The following CWH43 variants were observed in gnomAD, a reference collection of about 807,000 sequenced individuals.
The protein encoded by CWH43 is cell wall biogenesis 43 C-terminal homolog.
Under a neutral mutation model 85.7 loss-of-function variants are expected in CWH43, and 91 were observed. That is an observed-to-expected ratio of 1.06 (90% CI 0.90 to 1.26). The LOEUF (loss-of-function observed/expected upper bound fraction) is 1.26. Ranked by LOEUF, CWH43 falls within the 50% of genes most tolerant of loss-of-function variation. The probability of loss-of-function intolerance (pLI) is 0.00; values close to 1 mark genes in which losing one functional copy is unlikely to be tolerated. For missense variants in CWH43, 869 were observed against 839.2 expected, an observed-to-expected ratio of 1.04 and a Z score of -0.44; for synonymous variants, 323 against 293.6, an observed-to-expected ratio of 1.10 and a Z score of -1.02.
At chr4:49,061,119 ATTC>A (rs1785144815) in intron 15 of CWH43, among the ~76,000 whole-genome samples, 1 of 152,162 alleles carries the variant, frequency 6.6e-6, no homozygotes, top group African/African-American at 2.4e-5. Flanking sequence ...CTTCTAAGGA[ATTC>A]TTATCTGTTT....
At chr4:49,009,961 G>C (rs1285515851) in intron 8 of CWH43, among the ~76,000 whole-genome samples, 1 of 152,130 alleles carries the variant, frequency 6.6e-6, no homozygotes, top group Non-Finnish European at 1.5e-5. Context: ...TCTCTGCCAA[G>C]CTTTGGTATC....
At chr4:49,001,229 C>T (rs1012014444) in intron 6 of CWH43, among the ~76,000 whole-genome samples, 7 of 152,112 alleles carry the variant, frequency 4.6e-5, no homozygotes, top group African/African-American at 1.7e-4. Context: ...ATATAGTAAA[C>T]ATATTGATAG....
chr4:49,028,858 A>G, intron 10 of CWH43, 124 bp downstream of exon 10: 1 of 633,564 alleles, frequency 1.6e-6, no homozygotes, highest in South Asian at 2.2e-5. Context: ...GCAGATGATC[A>G]TAAACTCACC....
chr4:49,010,895 T>C (rs561958329), intron 8 of CWH43, among the ~76,000 whole-genome samples: 1 of 152,074 alleles, frequency 6.6e-6, no homozygotes, highest in East Asian at 1.9e-4. Flanking sequence ...TTTACTTCCA[T>C]TTATGTGGTC....
At chr4:49,047,035 C>T (rs1784646740) in intron 14 of CWH43, among the ~76,000 whole-genome samples, 1 of 152,194 alleles carries the variant, frequency 6.6e-6, no homozygotes, top group South Asian at 2.1e-4. Context: ...TAGAGCAGTT[C>T]ATCACCAAAA....
intron 8 of CWH43, among the ~76,000 whole-genome samples, chr4:49,010,823 G>A (rs539893717): frequency 5.9e-5 from 9 of 152,228 alleles, no homozygotes; most frequent in East Asian, 1.9e-4. Context: ...TAATTTCATT[G>A]CACTGTGATC....
intron 5 of CWH43, among the ~76,000 whole-genome samples, chr4:48,997,060 G>A (rs2109750824): frequency 6.6e-6 from 1 of 152,218 alleles, no homozygotes; most frequent in African/African-American, 2.4e-5. Flanking sequence ...GACTTTTGCA[G>A]GTTTCCTAAA....
At chr4:49,038,246 A>G (rs1230447583) in intron 13 of CWH43, 66 bp downstream of exon 13, 3 of 1,388,328 alleles carry the variant, frequency 2.2e-6, no homozygotes, top group Admixed American at 2.4e-5. Flanking sequence ...TCATGTTTTT[A>G]AAAAAACCAA....
At chr4:48,989,758 A>G (rs1234363641) in intron 2 of CWH43, among the ~76,000 whole-genome samples, 2 of 152,222 alleles carry the variant, frequency 1.3e-5, no homozygotes, top group African/African-American at 4.8e-5. Context: ...TCAGGCTCAG[A>G]AGGATAGTGG....
chr4:49,024,815 G>GATGACT (rs1197589102), intron 9 of CWH43, among the ~76,000 whole-genome samples: 4 of 151,916 alleles, frequency 2.6e-5, no homozygotes, highest in African/African-American at 9.7e-5. Flanking sequence ...TAGATAACCT[G>GATGACT]ATGACTATGT....
intron 8 of CWH43, among the ~76,000 whole-genome samples, chr4:49,010,051 T>G (rs1377150035): frequency 6.6e-6 from 1 of 152,158 alleles, no homozygotes; most frequent in Non-Finnish European, 1.5e-5. Flanking sequence ...AGAAGGTATG[T>G]TACCAGCTCT....
intron 15 of CWH43, among the ~76,000 whole-genome samples, chr4:49,055,913 CTT>C (rs71191286): frequency 0.017 from 2,464 of 141,864 alleles, 45 homozygotes; most frequent in Admixed American, 0.059. Context: ...TTCTTTTTTT[CTT>C]TTTTTTTTTT....
At chr4:49,045,384 T>C (rs1336444681) in intron 14 of CWH43, among the ~76,000 whole-genome samples, 1 of 152,240 alleles carries the variant, frequency 6.6e-6, no homozygotes, top group South Asian at 2.1e-4. Context: ...TATGATATAC[T>C]TGGATAATAC....
chr4:49,004,563 A>T (rs530639845), intron 7 of CWH43, among the ~76,000 whole-genome samples: 6 of 152,174 alleles, frequency 3.9e-5, no homozygotes, highest in South Asian at 2.1e-4. Context: ...AATTTAAAAA[A>T]TTTTTTGTAG....
rs1782680960 is a variant in CWH43 at position 48,992,199 on chromosome 4, T to C, written c.511+109T>C. ...AAAAGTAGTCTTTCTGCATTATATCTATATTTCAGCTTTTTCTTCCTCTGA... is the reference window on the plus strand; with the variant it reads ...AAAAGTAGTCTTTCTGCATTATATCCATATTTCAGCTTTTTCTTCCTCTGA... On this transcript the variant is annotated intron_variant, in intron 4 of 15. Coordinates refer to ENST00000226432, the MANE Select transcript of CWH43 (RefSeq NM_025087.3). The surrounding 1 kb of genome is among the most constrained non-coding windows in gnomAD (Gnocchi z 4.3). 1.0e-6 allele frequency: 1 copy of C among 963,116 alleles called. No individual in the cohort carries two copies. The highest frequency in any genetic ancestry group is 1.5e-6 in the Non-Finnish European group (1 of 650,872). The allele number at this position is 963,116 out of a possible 1,614,324, so 59.7% of individuals were successfully genotyped here. A position where few individuals can be genotyped will look rare whatever the true frequency, so the allele number is the denominator to read the frequency against.
chr4:49,014,707 TA>T (rs1280120277), intron 8 of CWH43, among the ~76,000 whole-genome samples: 3 of 152,126 alleles, frequency 2.0e-5, no homozygotes, highest in East Asian at 1.9e-4. Context: ...TTTGTGTGAT[TA>T]AAAAAAGACA....
chr4:49,016,670 G>A, intron 8 of CWH43: 1 of 761,952 alleles, frequency 1.3e-6, no homozygotes, highest in South Asian at 1.3e-5. Context: ...GCAGTTACTG[G>A]GCTTCTGGGC....
intron 2 of CWH43, among the ~76,000 whole-genome samples, chr4:48,989,340 G>C (rs1560482934): frequency 6.6e-6 from 1 of 152,172 alleles, no homozygotes; most frequent in Non-Finnish European, 1.5e-5. Flanking sequence ...CTGTGCAGTA[G>C]GGGTGGGGAA....
At chr4:49,060,821 G>T (rs1240028170) in intron 15 of CWH43, among the ~76,000 whole-genome samples, 1 of 152,142 alleles carries the variant, frequency 6.6e-6, no homozygotes, top group Non-Finnish European at 1.5e-5. Context: ...CCATCTTGCT[G>T]ACACAACTCT....
Sources: gnomAD v4.1 joint callset for allele counts (sites outside exome capture counted in the v4.1 genomes callset) on GRCh38, gnomAD v4.1.1 for gene constraint, Gnocchi (gnomAD v3.1) non-coding constraint, MANE v1.5 for transcripts, NCBI Gene and HGNC (gene_info 2026-07-23, HGNC 2026-07-21) for gene names.